Variants in GOLGA6L7 observed in about 807,000 individuals in gnomAD.
GOLGA6L7 encodes golgin subfamily A member 6-like protein 7.
Under a neutral mutation model 68.9 loss-of-function variants are expected in GOLGA6L7, and 29 were observed. The observed-to-expected ratio is 0.42, with a 90% CI of 0.31 to 0.57. The LOEUF (loss-of-function observed/expected upper bound fraction) is 0.57, where lower values mean the gene tolerates loss of function less well. GOLGA6L7 is among the 20% of genes least tolerant of loss of function. The probability of loss-of-function intolerance (pLI) is 0.13; values close to 1 mark genes in which losing one functional copy is unlikely to be tolerated. For missense variants in GOLGA6L7, 396 were observed against 588.4 expected, an observed-to-expected ratio of 0.67 and a Z score of 3.38; for synonymous variants, 133 against 197.4, an observed-to-expected ratio of 0.67 and a Z score of 2.73.
rs2030201344 is a variant in GOLGA6L7 at position 28,841,984 on chromosome 15, C to G, written c.*251G>C. The G allele has an allele frequency of 3.8e-6, 1 of 263,678 alleles. No individual in the cohort carries two copies. The highest frequency in any genetic ancestry group is 7.0e-6 in the Non-Finnish European group (1 of 143,590). The allele number at this position is 263,678 out of a possible 1,614,324, so 16.3% of individuals were successfully genotyped here. On this transcript the variant is annotated 3_prime_UTR_variant, in exon 9 of 9. Transcript: ENST00000567390. ...TTTTTTTTGAAATGGGAGTTTCACT[C>G]TGTCACCCAGCCTGGAGTGCAGTGG... is the stretch of plus-strand genomic sequence containing the variant.
At position 28,842,594 on chromosome 15, in the gene GOLGA6L7, C is replaced by T. The variant is rs1370100754; in HGVS notation, c.1510G>A (p.Glu504Lys). The change falls in exon 9 of 9, where the codon GAG becomes AAG. Residue 504 changes from glutamate (E) to lysine (K), a missense_variant. By Grantham distance (56) the Glu-to-Lys change is moderately conservative. This residue lies in a region of GOLGA6L7 where 125 missense variants were observed against 163.3 expected (regional missense o/e 0.77). Coordinates refer to ENST00000567390, the MANE Select transcript of GOLGA6L7 (RefSeq NM_001365371.2). ...KQVERLQFKE[E>K]RLWDEYEKMQ... ...TTCTCATACTCATCCCACAGCCTCT[C>T]CTCCTTGAATTGCAGCCTCTCCACC... 7.7e-7 allele frequency: 1 copy of T among 1,291,130 alleles called. No homozygotes were observed. Among genetic ancestry groups the T allele is most frequent in the Non-Finnish European group, 9.8e-7 (1 of 1,023,920 alleles). The allele number at this position is 1,291,130 out of a possible 1,614,324, so 80.0% of individuals were successfully genotyped here.
intron 5 of GOLGA6L7, 40 bp downstream of exon 5, chr15:28,845,678 A>G: frequency 1.3e-6 from 1 of 754,342 alleles, no homozygotes; most frequent in South Asian, 1.4e-5. Context: ...GGCCTGTGAA[A>G]GTGCCAGGTT....
chr15:28,844,213 G>A lies in GOLGA6L7; in HGVS notation c.513C>T (p.Phe171=). ...CCCCTCCCCTATCCTACATGTTCCTGAACAGCTCCAGACTCATGGCTTCCC... is the reference window on the plus strand; with the variant it reads ...CCCCTCCCCTATCCTACATGTTCCTAAACAGCTCCAGACTCATGGCTTCCC... ...KEREAMSLEL[F]RNIITNKELK... is the part of the protein sequence containing the mutation. Residue 171 remains phenylalanine (F), a synonymous_variant, in exon 7 of 9, where the codon TTC becomes TTT. Transcript: ENST00000567390. 2 of 483,146 alleles carry A rather than the reference G, an allele frequency of 4.1e-6. No homozygotes were observed. The highest frequency in any genetic ancestry group is 8.8e-5 in the South Asian group (2 of 22,706). The allele number at this position is 483,146 out of a possible 1,614,324, so 29.9% of individuals were successfully genotyped here.
chr15:28,844,808 T>C (rs1231459147), intron 6 of GOLGA6L7, among the ~76,000 whole-genome samples: 2,486 of 149,340 alleles, frequency 0.017, 73 homozygotes, highest in African/African-American at 0.054. Flanking sequence ...GAGACAGTTA[T>C]CATTATCACC....
In GOLGA6L7 at chr15:28,842,366, G is replaced by A. The variant is rs542346921; in HGVS notation, c.1738C>T (p.Arg580Cys). Residue 580 changes from arginine (R) to cysteine (C), a missense_variant, in exon 9 of 9, where the codon CGC (arginine) becomes TGC (cysteine). By Grantham distance (180) the Arg-to-Cys change is radical. Around this residue, in one of 5 missense-constraint regions of GOLGA6L7, gnomAD observed 125 missense variants for 163.3 expected, o/e 0.77. Coordinates refer to ENST00000567390, the MANE Select transcript of GOLGA6L7 (RefSeq NM_001365371.2). ...GGCAGCTGCATGATCTGTGCAGTGC[G>A]GTTGTCATGGGAATAACCCTTCCCG... is the stretch of plus-strand genomic sequence containing the variant. Reference protein sequence around the residue: ...EAGKGYSHDNRTAQIMQLPPG... With the variant: ...EAGKGYSHDNCTAQIMQLPPG... 1.3e-4 allele frequency: 158 copies of A among 1,235,510 alleles called. 2 individuals are homozygous for A. The highest frequency in any genetic ancestry group is 2.7e-4 in the Middle Eastern group (1 of 3,638). 76.5% of individuals were successfully genotyped at this position (1,235,510 alleles called of 1,614,324 possible).
rs974042419 is a variant in GOLGA6L7 at position 28,845,584 on chromosome 15, C to T, written c.407G>A (p.Gly136Glu). 2.6e-6 allele frequency: 2 copies of T among 782,844 alleles called. No individual in the cohort carries two copies. Among genetic ancestry groups the T allele is most frequent in the Non-Finnish European group, 4.4e-6 (2 of 456,592 alleles). The allele number at this position is 782,844 out of a possible 1,614,324, so 48.5% of individuals were successfully genotyped here. The change falls in exon 6 of 9, where the codon GGA becomes GAA. Residue 136 changes from glycine to glutamate, a missense_variant. Around this residue, in one of 5 missense-constraint regions of GOLGA6L7, gnomAD observed 125 missense variants for 119.4 expected, o/e 1.05. Coordinates refer to ENST00000567390, the MANE Select transcript of GOLGA6L7 (RefSeq NM_001365371.2). ...ARLHHSWHFA[G>E]ELQRALSAMS... is the part of the protein sequence containing the mutation. ...AGCAGAGAGAGCCCGCTGTAACTCT[C>T]CTGCAAAGTGCCAGGAATGATGCAG...
Position 28,843,833 on chromosome 15 carries a change from T to G in GOLGA6L7, c.564A>C (p.Gln188His). 1 of 926,164 alleles carries G rather than the reference T, an allele frequency of 1.1e-6. No homozygotes were observed. The highest frequency in any genetic ancestry group is 1.7e-6 in the Non-Finnish European group (1 of 593,920). The allele number at this position is 926,164 out of a possible 1,614,324, so 57.4% of individuals were successfully genotyped here. The change falls in exon 8 of 9, where the codon CAA (glutamine) becomes CAC (histidine). Residue 188 changes from glutamine to histidine, a missense_variant. Physicochemically the swap from Gln to His is conservative, Grantham distance 24 (BLOSUM62 0). Around this residue, in one of 5 missense-constraint regions of GOLGA6L7, gnomAD observed 125 missense variants for 119.4 expected, o/e 1.05. Transcript: ENST00000567390. The part of the protein sequence containing the change: ...KELKEKNAEL[Q>H]EKLRLVETEK... ...CAGTTTCTACCAGTCGAAGTTTTTC[T>G]TGTAGTTCGGCATTTTTCTCCTTCA...
rs1567379875 is a variant in GOLGA6L7 at position 28,842,195 on chromosome 15, T to C, written c.*40A>G. On this transcript the variant is annotated 3_prime_UTR_variant, in exon 9 of 9. Coordinates refer to ENST00000567390, the MANE Select transcript of GOLGA6L7 (RefSeq NM_001365371.2). ...CTCAGACTGTATTCACAAGGTCACA[T>C]GGCGGCTTACACTTCTGTAGGCCTT... is the stretch of plus-strand genomic sequence containing the variant. 5 of 1,222,424 alleles carry C rather than the reference T, an allele frequency of 4.1e-6. No individual in the cohort carries two copies. The highest frequency in any genetic ancestry group is 5.1e-6 in the Non-Finnish European group (5 of 979,678). 75.7% of individuals were successfully genotyped at this position (1,222,424 alleles called of 1,614,324 possible).
rs190445578 is a variant in GOLGA6L7 at position 28,844,059 on chromosome 15, A to G, written c.521+146T>C. 214 of 568,106 alleles carry G rather than the reference A, an allele frequency of 3.8e-4. 1 individual carries two copies. In the Admixed American group the frequency reaches 6.3e-3, roughly 17 times the overall value. 35.2% of individuals were successfully genotyped at this position (568,106 alleles called of 1,614,324 possible). A position where few individuals can be genotyped will look rare whatever the true frequency, so the allele number is the denominator to read the frequency against. ...GTTGCCTGAGGCTACCCCATGAGTC[A>G]GTGGCACAGCCGGCACTGGAGCTTC... On this transcript the variant is annotated intron_variant, in intron 7 of 8. Transcript: ENST00000567390.
intron 1 of GOLGA6L7, among the ~76,000 whole-genome samples, chr15:28,847,511 G>T (rs4454946): frequency 2.0e-5 from 3 of 151,118 alleles, no homozygotes; most frequent in Admixed American, 6.6e-5. Flanking sequence ...GTTTACAGTC[G>T]TACATCCTCT....
At chr15:28,848,305 A>C (rs2141057650) in intron 1 of GOLGA6L7, among the ~76,000 whole-genome samples, 194 bp downstream of exon 1, 1 of 151,932 alleles carries the variant, frequency 6.6e-6, no homozygotes, top group South Asian at 2.1e-4. Context: ...CCCTGGGGTG[A>C]CCGGTGAGGG....
In GOLGA6L7 at chr15:28,844,154, C is replaced by G. The variant is rs569659704; in HGVS notation, c.521+51G>C. 98 of 490,190 alleles carry G rather than the reference C, an allele frequency of 2.0e-4. 3 individuals are homozygous for G. The South Asian group carries it at 3.6e-3, about 18-fold the overall frequency. The allele number at this position is 490,190 out of a possible 1,614,324, so 30.4% of individuals were successfully genotyped here. A position where few individuals can be genotyped will look rare whatever the true frequency, so the allele number is the denominator to read the frequency against. On this transcript the variant is annotated intron_variant, in intron 7 of 8. Transcript: ENST00000567390. ...CTGTACCCCCCACCTCCCAGCACAC[C>G]ACCCACGCTAAGGGCTCTCAGACCT...
chr15:28,847,618 C>A (rs1157748105), intron 1 of GOLGA6L7, among the ~76,000 whole-genome samples: 1 of 152,256 alleles, frequency 6.6e-6, no homozygotes, highest in Non-Finnish European at 1.5e-5. Context: ...AGAGAGAAGT[C>A]TTGTATACTC....
chr15:28,842,885 G>C lies in GOLGA6L7; in HGVS notation c.1219C>G (p.Gln407Glu), dbSNP rs1234194645. The part of the protein sequence containing the change: ...MRKQEEQMWK[Q>E]EEQMGEQMRK... Reference sequence around the variant, plus strand: ...ATCTGCTCCCCCATCTGCTCCTCCTGCTTCCACATCTGCTCCTCCTGCTTT... The same window carrying C: ...ATCTGCTCCCCCATCTGCTCCTCCTCCTTCCACATCTGCTCCTCCTGCTTT... Residue 407 changes from glutamine to glutamate, a missense_variant, in exon 9 of 9, where the codon CAG becomes GAG. Transcript: ENST00000567390. 2.4e-6 allele frequency: 3 copies of C among 1,252,324 alleles called. No individual in the cohort carries two copies. Among genetic ancestry groups the C allele is most frequent in the African/African-American group, 1.7e-5 (1 of 57,264 alleles). The allele number at this position is 1,252,324 out of a possible 1,614,324, so 77.6% of individuals were successfully genotyped here.
rs2030231516 is a variant in GOLGA6L7, at chr15:28,842,615, C to T, written c.1489G>A (p.Glu497Lys). Residue 497 changes from glutamate (E) to lysine (K), a missense_variant, in exon 9 of 9, where the codon GAG becomes AAG. Coordinates refer to ENST00000567390, the MANE Select transcript of GOLGA6L7 (RefSeq NM_001365371.2). ...EQEEQMRKQV[E>K]RLQFKEERLW... is the part of the protein sequence containing the mutation. ...CTCTCCTCCTTGAATTGCAGCCTCT[C>T]CACCTGCTTCCGCATCTGCTCCTCC... 2.3e-6 allele frequency: 3 copies of T among 1,304,420 alleles called. No individual in the cohort carries two copies. The highest frequency in any genetic ancestry group is 3.6e-5 in the Admixed American group (1 of 27,420). 80.8% of individuals were successfully genotyped at this position (1,304,420 alleles called of 1,614,324 possible).
intron 2 of GOLGA6L7, 119 bp downstream of exon 2, chr15:28,846,945 A>T: frequency 1.7e-6 from 1 of 584,430 alleles, no homozygotes; most frequent in Non-Finnish European, 2.9e-6. Context: ...GAGAAGTAGG[A>T]CTCAAACCCA....
Position 28,843,248 on chromosome 15 carries a change from G to A in GOLGA6L7, c.856C>T (p.Arg286Trp), listed in dbSNP as rs1393085490. ...QQMQEQEEQMRKQEEQMRKQE... is the reference protein window; with the variant it reads ...QQMQEQEEQMWKQEEQMRKQE... ...TTCCGCATCTGCTCCTCCTGCTTCCGCATCTGCTCCTCCTGCTCCTGCATC... is the reference window on the plus strand; with the variant it reads ...TTCCGCATCTGCTCCTCCTGCTTCCACATCTGCTCCTCCTGCTCCTGCATC... Residue 286 changes from arginine (R) to tryptophan (W), a missense_variant, in exon 9 of 9, where the codon CGG becomes TGG. Coordinates refer to ENST00000567390, the MANE Select transcript of GOLGA6L7 (RefSeq NM_001365371.2). 8.7e-6 allele frequency: 11 copies of A among 1,267,798 alleles called. No homozygotes were observed. Among genetic ancestry groups the A allele is most frequent in the Admixed American group, 3.7e-5 (1 of 27,282 alleles). 78.5% of individuals were successfully genotyped at this position (1,267,798 alleles called of 1,614,324 possible). A position where few individuals can be genotyped will look rare whatever the true frequency, so the allele number is the denominator to read the frequency against.
chr15:28,845,474 T>C, intron 6 of GOLGA6L7, 55 bp downstream of exon 6: 2 of 701,788 alleles, frequency 2.8e-6, no homozygotes, highest in Non-Finnish European at 5.2e-6. Context: ...TTTAGGCTCA[T>C]TCCTCCATCT....
Position 28,845,792 on chromosome 15 carries a change from C to T in GOLGA6L7, c.281G>A (p.Arg94Gln), listed in dbSNP as rs771001027. Residue 94 changes from arginine (R) to glutamine (Q), a missense_variant, in exon 5 of 9, where the codon CGA becomes CAA. Transcript: ENST00000567390. ...TTCAGTTTTCTGACACATAAGGATT[C>T]GTATGGTATGATCCTGGGCCTTTGG... ...RQLEAQDHTI[R>Q]ILMCQKTELE... The T allele has an allele frequency of 4.8e-6, 4 of 834,474 alleles. No homozygotes were observed. The highest frequency in any genetic ancestry group is 1.8e-5 in the Admixed American group (1 of 55,364). 51.7% of individuals were successfully genotyped at this position (834,474 alleles called of 1,614,324 possible). A position where few individuals can be genotyped will look rare whatever the true frequency, so the allele number is the denominator to read the frequency against.
Sources: gnomAD v4.1 joint callset for allele counts (sites outside exome capture counted in the v4.1 genomes callset) on GRCh38, gnomAD v4.1.1 for gene constraint, gnomAD v4.1.1 regional missense constraint, MANE v1.5 for transcripts, NCBI Gene and HGNC (gene_info 2026-07-23, HGNC 2026-07-21) for gene names.